SOX30: variants seen among roughly 807,000 people sequenced by gnomAD.
The protein encoded by SOX30 is transcription factor SOX-30.
A neutral mutation model predicts 58.6 loss-of-function variants in SOX30; 17 were observed. The observed-to-expected ratio is 0.29, with a 90% CI of 0.20 to 0.44. The LOEUF is 0.44. Among genes scored for constraint, SOX30 ranks in the 20% least tolerant of loss-of-function variants. SOX30 has a pLI of 1.00. For missense variants in SOX30, 951 were observed against 965.8 expected (o/e 0.98, Z 0.20); for synonymous variants, 421 against 400.2 (o/e 1.05, Z -0.62).
At chr5:157,644,346 G>A (rs1759140441) in intron 3 of SOX30, among the ~76,000 whole-genome samples, 1 of 151,970 alleles carries the variant, frequency 6.6e-6, no homozygotes, top group South Asian at 2.1e-4. Flanking sequence ...AAAAAACTAA[G>A]CACAAACAAA....
chr5:157,626,784 T>C lies in SOX30; in HGVS notation c.1881-63A>G, dbSNP rs151205364. 183 of 1,508,646 alleles carry C rather than the reference T, an allele frequency of 1.2e-4. No homozygotes were observed. The African/African-American group carries it at 2.2e-3, about 18-fold the overall frequency. 93.5% of individuals were successfully genotyped at this position (1,508,646 alleles called of 1,614,324 possible). A position where few individuals can be genotyped will look rare whatever the true frequency, so the allele number is the denominator to read the frequency against. On this transcript the variant is annotated intron_variant, in intron 4 of 4. Coordinates refer to ENST00000265007, the MANE Select transcript of SOX30 (RefSeq NM_178424.2). ...CCCACATATTGCCTTGCATACAGAC[T>C]AACAGAGCAAGTTAATGCCTCCTCT...
intron 2 of SOX30, among the ~76,000 whole-genome samples, chr5:157,648,055 CA>C (rs1383410347): frequency 6.6e-6 from 1 of 152,168 alleles, no homozygotes; most frequent in Non-Finnish European, 1.5e-5. Context: ...ACCTCTCTGC[CA>C]ATATTTCAGA....
rs552837194 is a variant in SOX30, at chr5:157,650,839, A to G, written c.967+273T>C. The stretch of plus-strand genomic sequence containing the variant: ...GAGGGCTATGCGCTGTCTAGCAAGA[A>G]TATTTCTATTTTTGTGTACAAAAAT... On this transcript the variant is annotated intron_variant, in intron 1 of 4. Transcript: ENST00000265007. 7.2e-5 allele frequency among the ~76,000 whole-genome samples: 11 copies of G among 152,310 alleles called. No homozygotes were observed. In the South Asian group the frequency reaches 2.3e-3, roughly 32 times the overall value.
Position 157,652,003 on chromosome 5 carries a change from C to A in SOX30, c.76G>T (p.Gly26Cys), listed in dbSNP as rs1477469704. Residue 26 changes from glycine to cysteine, a missense_variant, in exon 1 of 5, where the codon GGC becomes TGC. This residue lies in a region of SOX30 where 363 missense variants were observed against 294.5 expected (regional missense o/e 1.23). Coordinates refer to ENST00000265007, the MANE Select transcript of SOX30 (RefSeq NM_178424.2). Reference sequence around the variant, plus strand: ...ATGGCTGCTGCCCAAAAGGAGGTGCCCTCGACCGGCAGCGGGGGCGGAGCG... The same window carrying A: ...ATGGCTGCTGCCCAAAAGGAGGTGCACTCGACCGGCAGCGGGGGCGGAGCG... ...RPAPPPLPVEGTSFWAAAMEP... is the reference protein window; with the variant it reads ...RPAPPPLPVECTSFWAAAMEP... The A allele has an allele frequency of 1.4e-6, 2 of 1,430,472 alleles. No homozygotes were observed. The highest frequency in any genetic ancestry group is 1.5e-5 in the South Asian group (1 of 66,770). 88.6% of individuals were successfully genotyped at this position (1,430,472 alleles called of 1,614,324 possible). A position where few individuals can be genotyped will look rare whatever the true frequency, so the allele number is the denominator to read the frequency against.
upstream of SOX30, among the ~76,000 whole-genome samples, chr5:157,652,640 A>G (rs1759392511): frequency 1.3e-5 from 2 of 152,172 alleles, no homozygotes; most frequent in Admixed American, 1.3e-4. Context: ...CTATTAGCTA[A>G]TGTTGCTGGG....
chr5:157,626,142 T>C lies in SOX30; in HGVS notation c.*198A>G. ...AAATTAAACTACTTAATAACTTAAA[T>C]ATTCCTACAATGAAACATCCAGACT... On this transcript the variant is annotated 3_prime_UTR_variant, in exon 5 of 5. Coordinates refer to ENST00000265007, the MANE Select transcript of SOX30 (RefSeq NM_178424.2). The C allele has an allele frequency of 2.0e-6, 1 of 500,796 alleles. No individual in the cohort carries two copies. The highest frequency in any genetic ancestry group is 3.5e-6 in the Non-Finnish European group (1 of 289,260). The allele number at this position is 500,796 out of a possible 1,614,324, so 31.0% of individuals were successfully genotyped here. A position where few individuals can be genotyped will look rare whatever the true frequency, so the allele number is the denominator to read the frequency against.
At chr5:157,633,036 C>G (rs1029890041) in intron 4 of SOX30, among the ~76,000 whole-genome samples, 6 of 152,044 alleles carry the variant, frequency 3.9e-5, no homozygotes, top group African/African-American at 1.2e-4. Flanking sequence ...CTGCAGAACC[C>G]CAGTCTGGCA....
chr5:157,625,741 AT>A lies in SOX30; in HGVS notation c.*598del, dbSNP rs1403045916. 9 of 152,684 alleles carry A rather than the reference AT, an allele frequency of 5.9e-5. No individual in the cohort carries two copies. The highest frequency in any genetic ancestry group is 1.2e-4 in the African/African-American group (5 of 41,470). 9.5% of individuals were successfully genotyped at this position (152,684 alleles called of 1,614,324 possible). On this transcript the variant is annotated 3_prime_UTR_variant, in exon 5 of 5. Transcript: ENST00000265007. ...ACGATGTATGCCAAATGGAAAAAAA[AT>A]ATTTTAAAATGATAAAAATATTTAG...
intron 2 of SOX30, among the ~76,000 whole-genome samples, chr5:157,664,353 C>T (rs1759630213): frequency 1.3e-5 from 2 of 152,160 alleles, no homozygotes; most frequent in Admixed American, 1.3e-4. Context: ...AAAGGATTCC[C>T]TATTTAATAA....
At position 157,626,385 on chromosome 5, in the gene SOX30, G is replaced by A. The variant is rs138378436; in HGVS notation, c.2217C>T (p.Thr739=). The A allele has an allele frequency of 5.8e-5, 93 of 1,612,834 alleles. No individual in the cohort carries two copies. In the African/African-American group the frequency reaches 6.3e-4, roughly 11 times the overall value. ...TTTCTTCTTCCTCCTCATCACTGTC[G>A]GTGACATTGACTTGCTGGATGCTAG... The part of the protein sequence containing the change: ...TPSSIQQVNV[T]DSDEEEEEKV... Residue 739 remains threonine (T), a synonymous_variant, in exon 5 of 5, where the codon ACC becomes ACT. Coordinates refer to ENST00000265007, the MANE Select transcript of SOX30 (RefSeq NM_178424.2).
At chr5:157,641,781 T>C (rs1335281219) in intron 3 of SOX30, among the ~76,000 whole-genome samples, 2 of 152,154 alleles carry the variant, frequency 1.3e-5, no homozygotes, top group East Asian at 1.9e-4. Context: ...CATAATAGGA[T>C]TTAAGAAACC....
chr5:157,637,696 G>C (rs1174239337), intron 4 of SOX30, among the ~76,000 whole-genome samples: 1 of 151,914 alleles, frequency 6.6e-6, no homozygotes, highest in Non-Finnish European at 1.5e-5. Context: ...CAACATTAAA[G>C]CCTATATTCT....
intron 4 of SOX30, among the ~76,000 whole-genome samples, chr5:157,633,665 T>C (rs1017159020): frequency 2.6e-5 from 4 of 152,218 alleles, no homozygotes; most frequent in African/African-American, 9.6e-5. Flanking sequence ...CAAATGGGTC[T>C]CTGACCCAAA....
chr5:157,660,981 C>T (rs946809535), intron 2 of SOX30, among the ~76,000 whole-genome samples: 1 of 152,144 alleles, frequency 6.6e-6, no homozygotes, highest in African/African-American at 2.4e-5. Flanking sequence ...TTTCCTTTGA[C>T]AATGTTTTAT....
intron 2 of SOX30, among the ~76,000 whole-genome samples, chr5:157,647,462 AAAT>A (rs1359754011): frequency 1.4e-5 from 2 of 146,356 alleles, no homozygotes; most frequent in Admixed American, 1.3e-4. Flanking sequence ...CCACCTTATC[AAAT>A]AATGCCTCAC....
intron 4 of SOX30, among the ~76,000 whole-genome samples, chr5:157,637,080 C>A (rs1400063553): frequency 6.8e-6 from 1 of 146,490 alleles, no homozygotes; most frequent in Non-Finnish European, 1.5e-5. Flanking sequence ...CTGTGGTGAG[C>A]CAAGATCGCG....
intron 2 of SOX30, among the ~76,000 whole-genome samples, chr5:157,666,532 A>G (rs1759677454): frequency 6.7e-6 from 1 of 148,912 alleles, no homozygotes; most frequent in Admixed American, 6.7e-5. Flanking sequence ...CACACACCTC[A>G]GTTCAAATGA....
chr5:157,647,465 T>C (rs1336268780), intron 2 of SOX30, among the ~76,000 whole-genome samples: 1 of 146,314 alleles, frequency 6.8e-6, no homozygotes, highest in Non-Finnish European at 1.5e-5. Flanking sequence ...CCTTATCAAA[T>C]AATGCCTCAC....
intron 1 of SOX30, among the ~76,000 whole-genome samples, chr5:157,668,564 C>T (rs1377782155): frequency 6.6e-6 from 1 of 152,114 alleles, no homozygotes; most frequent in East Asian, 1.9e-4. Context: ...AACCACTCAT[C>T]CATCCGTCCA....
Sources: allele counts gnomAD v4.1 joint callset (sites outside exome capture counted in the v4.1 genomes callset), GRCh38; gene constraint gnomAD v4.1.1; regional missense constraint gnomAD v4.1.1; transcripts MANE v1.5; gene names NCBI Gene and HGNC (gene_info 2026-07-23, HGNC 2026-07-21).